SSH2: variants seen among roughly 807,000 people sequenced by gnomAD.
SSH2 encodes the protein protein phosphatase Slingshot homolog 2.
SSH2 carries 37 observed loss-of-function variants against 135.2 expected under a neutral mutation model. That is an observed-to-expected ratio of 0.27 (90% confidence interval 0.21 to 0.36). The LOEUF is 0.36. SSH2 is among the 10% of genes least tolerant of loss of function. The pLI is 1.00. For missense variants in SSH2, 1,408 were observed against 1,765.3 expected, an observed-to-expected ratio of 0.80 and a Z score of 3.63; for synonymous variants, 628 against 646.2, an observed-to-expected ratio of 0.97 and a Z score of 0.43.
intron 1 of SSH2, among the ~76,000 whole-genome samples, chr17:29,858,520 C>G (rs1298425665): frequency 6.6e-6 from 1 of 152,104 alleles, no homozygotes; most frequent in Non-Finnish European, 1.5e-5. Context: ...AGGGGTGGTT[C>G]CAATATGGGT....
intron 3 of SSH2, among the ~76,000 whole-genome samples, chr17:29,747,955 TAA>T (rs1286007250): frequency 2.0e-4 from 30 of 152,322 alleles, no homozygotes; most frequent in Non-Finnish European, 1.6e-4. Context: ...TTATCAGTGT[TAA>T]GTCTAGAGAC....
chr17:29,727,733 A>T (rs556488768), intron 3 of SSH2, among the ~76,000 whole-genome samples: 52 of 152,340 alleles, frequency 3.4e-4, no homozygotes, highest in Admixed American at 2.8e-3. Flanking sequence ...CTGAATGGGG[A>T]AAAACAGAAA....
At chr17:29,803,506 C>T (rs2151316666) in intron 2 of SSH2, among the ~76,000 whole-genome samples, 1 of 152,224 alleles carries the variant, frequency 6.6e-6, no homozygotes, top group African/African-American at 2.4e-5. Flanking sequence ...TCCAAAAGGA[C>T]TAGTCATCCT....
chr17:29,890,312 T>C (rs1035423465), intron 1 of SSH2, among the ~76,000 whole-genome samples: 2 of 152,170 alleles, frequency 1.3e-5, no homozygotes, highest in Admixed American at 1.3e-4. Flanking sequence ...CCTAGGTATA[T>C]GCCCAAGAGA....
intron 1 of SSH2, chr17:29,855,971 T>G (rs2065655551): frequency 3.1e-6 from 1 of 322,348 alleles, no homozygotes; most frequent in East Asian, 1.1e-4. Flanking sequence ...CTTGCACTAT[T>G]TGTAATCATG....
In SSH2 at chr17:29,631,544, C is replaced by T. The variant is rs148361183; in HGVS notation, c.3650G>A (p.Ser1217Asn). Residue 1217 changes from serine to asparagine, a missense_variant, in exon 16 of 16, where the codon AGC (serine) becomes AAC (asparagine). Physicochemically the swap from Ser to Asn is conservative, Grantham distance 46. This residue lies in a region of SSH2 where 1,080 missense variants were observed against 1,144.5 expected (regional missense o/e 0.94). Coordinates refer to ENST00000540801, the MANE Select transcript of SSH2 (RefSeq NM_001282129.2). ...QLSSADLSLI[S>N]KLGDNTGELQ... ...CTCCCCAGTGTTGTCACCAAGTTTG[C>T]TAATTAAACTTAGGTCTGCGCTACT... The T allele has an allele frequency of 4.1e-5, 66 of 1,614,158 alleles. No individual in the cohort carries two copies. Among genetic ancestry groups the T allele is most frequent in the Non-Finnish European group, 5.0e-5 (59 of 1,180,034 alleles).
At chr17:29,848,128 C>T (rs554712562) in intron 2 of SSH2, among the ~76,000 whole-genome samples, 75 of 152,288 alleles carry the variant, frequency 4.9e-4, no homozygotes, top group African/African-American at 1.5e-3. Flanking sequence ...GATTATCTGT[C>T]CTGCATCACT....
Position 29,801,129 on chromosome 17 carries a change from T to C in SSH2, c.145-7192A>G, listed in dbSNP as rs186671153. 2.6e-5 allele frequency among the ~76,000 whole-genome samples: 4 copies of C among 152,264 alleles called. No homozygotes were observed. In the East Asian group the frequency reaches 7.7e-4, roughly 29 times the overall value. On this transcript the variant is annotated intron_variant, in intron 2 of 15. Coordinates refer to ENST00000540801, the MANE Select transcript of SSH2 (RefSeq NM_001282129.2). ...ATCCACCTATCTCAGCCTCCCAAAG[T>C]GCTGGGATTACAGGCATAAGCCACC...
intron 1 of SSH2, chr17:29,863,410 T>G (rs192994239): frequency 6.6e-6 from 1 of 152,386 alleles, no homozygotes; most frequent in Admixed American, 6.5e-5. Context: ...GTCATACATC[T>G]TAATACTGGT....
intron 3 of SSH2, among the ~76,000 whole-genome samples, chr17:29,792,132 G>A (rs900218500): frequency 4.6e-5 from 7 of 151,760 alleles, no homozygotes; most frequent in Non-Finnish European, 1.0e-4. Context: ...TTACCAGGTT[G>A]GCCAGGCTGT....
chr17:29,895,288 T>C (rs1378789278), intron 1 of SSH2, among the ~76,000 whole-genome samples: 1 of 120,478 alleles, frequency 8.3e-6, no homozygotes, highest in Non-Finnish European at 1.6e-5. Context: ...ATATTTTATA[T>C]ATACATTTTA....
chr17:29,653,788 A>G (rs993814898), intron 12 of SSH2, among the ~76,000 whole-genome samples: 1 of 152,106 alleles, frequency 6.6e-6, no homozygotes, highest in Non-Finnish European at 1.5e-5. Flanking sequence ...GGGTTTCACC[A>G]TGTTAGCCAG....
chr17:29,862,292 T>C (rs1273114844), intron 1 of SSH2, among the ~76,000 whole-genome samples: 1 of 152,260 alleles, frequency 6.6e-6, no homozygotes, highest in African/African-American at 2.4e-5. Context: ...GCTATACAGG[T>C]TCTTTATCCC....
At position 29,631,746 on chromosome 17, in the gene SSH2, G is replaced by T. The variant is rs1341132946; in HGVS notation, c.3448C>A (p.His1150Asn). 1.2e-6 allele frequency: 2 copies of T among 1,614,058 alleles called. No individual in the cohort carries two copies. Among genetic ancestry groups the T allele is most frequent in the East Asian group, 2.2e-5 (1 of 44,900 alleles). ...TAATCCAAACTGGCAGACAGTAAAT[G>T]GGTTGTATGACTGACAAAAGGTGCT... The part of the protein sequence containing the change: ...TAAPFVSHTT[H>N]LLSASLDYLH... Residue 1150 changes from histidine (H) to asparagine (N), a missense_variant, in exon 16 of 16, where the codon CAT (histidine) becomes AAT (asparagine). By Grantham distance (68) the His-to-Asn change is moderately conservative. This residue lies in a region of SSH2 where 1,080 missense variants were observed against 1,144.5 expected (regional missense o/e 0.94). Transcript: ENST00000540801.
At chr17:29,801,964 C>T (rs2042257262) in intron 2 of SSH2, among the ~76,000 whole-genome samples, 1 of 152,202 alleles carries the variant, frequency 6.6e-6, no homozygotes, top group Non-Finnish European at 1.5e-5. Flanking sequence ...TACCTTAATA[C>T]CTTACCCAAA....
At chr17:29,742,028 G>T (rs1435331866) in intron 3 of SSH2, among the ~76,000 whole-genome samples, 2 of 148,606 alleles carry the variant, frequency 1.3e-5, no homozygotes, top group South Asian at 2.1e-4. Flanking sequence ...TCCGCCTCCC[G>T]GGTTCAAACA....
intron 2 of SSH2, among the ~76,000 whole-genome samples, chr17:29,833,665 TTCC>T (rs2042888809): frequency 1.3e-5 from 2 of 149,754 alleles, no homozygotes; most frequent in Non-Finnish European, 3.0e-5. Flanking sequence ...CCTTCCTTCC[TTCC>T]TTCTTTCCTT....
chr17:29,820,174 G>T (rs1342216222), intron 2 of SSH2, among the ~76,000 whole-genome samples: 4 of 152,076 alleles, frequency 2.6e-5, no homozygotes, highest in Non-Finnish European at 5.9e-5. Flanking sequence ...TCCTTGTACT[G>T]GTTAAAGACC....
At chr17:29,700,863 C>T (rs2038945763) in intron 4 of SSH2, among the ~76,000 whole-genome samples, 2 of 152,212 alleles carry the variant, frequency 1.3e-5, no homozygotes, top group Admixed American at 1.3e-4. Context: ...AATCTCAGCT[C>T]ACTGCAACCT....
Sources: allele counts gnomAD v4.1 joint callset (sites outside exome capture counted in the v4.1 genomes callset), GRCh38; gene constraint gnomAD v4.1.1; regional missense constraint gnomAD v4.1.1; transcripts MANE v1.5; gene names NCBI Gene and HGNC (gene_info 2026-07-23, HGNC 2026-07-21).